Variants in DENND1A observed in about 807,000 individuals in gnomAD.
The protein encoded by DENND1A is DENN domain containing 1A.
Under a neutral mutation model 113.7 loss-of-function variants are expected in DENND1A, and 51 were observed. The observed-to-expected ratio is 0.45, with a 90% CI of 0.36 to 0.57. The LOEUF (loss-of-function observed/expected upper bound fraction) is 0.57, where lower values mean the gene tolerates loss of function less well. Among genes scored for constraint, DENND1A ranks in the 20% least tolerant of loss-of-function variants. The pLI is 0.00. For missense variants in DENND1A, 1,258 were observed against 1,395.9 expected (o/e 0.90, Z 1.57); for synonymous variants, 565 against 570.8 (o/e 0.99, Z 0.14).
chr9:123,648,399 G>A (rs973421336), intron 9 of DENND1A, among the ~76,000 whole-genome samples: 2 of 152,180 alleles, frequency 1.3e-5, no homozygotes, highest in African/African-American at 4.8e-5. Flanking sequence ...GTTTTAATGT[G>A]CTTTTTGATT....
intron 2 of DENND1A, among the ~76,000 whole-genome samples, chr9:123,845,127 C>T (rs1842396359): frequency 6.6e-6 from 1 of 151,536 alleles, no homozygotes; most frequent in South Asian, 2.1e-4. Context: ...GGCTGAGACA[C>T]AAGAATCTCT....
At position 123,835,660 on chromosome 9, in the gene DENND1A, GAAAAAA is replaced by G. The variant is rs112937594; in HGVS notation, c.89-43036_89-43031del. On this transcript the variant is annotated intron_variant, in intron 2 of 23. Coordinates refer to ENST00000394215, the MANE Select transcript of DENND1A (RefSeq NM_001352964.2). The stretch of plus-strand genomic sequence containing the variant: ...TCTGCATTTTCCTCTTGATTTCCAG[GAAAAAA>G]AAAAAAAAAAGAAAAAACCTGAGTA... 6.3e-5 allele frequency among the ~76,000 whole-genome samples: 7 copies of G among 111,502 alleles called. No homozygotes were observed. The East Asian group carries it at 1.7e-3, about 28-fold the overall frequency. 73.1% of individuals were successfully genotyped at this position (111,502 alleles called of 152,430 possible).
chr9:123,538,687 A>G (rs1446784277), intron 13 of DENND1A, among the ~76,000 whole-genome samples: 1 of 149,340 alleles, frequency 6.7e-6, no homozygotes, highest in Non-Finnish European at 1.5e-5. Context: ...ATAAAAAATG[A>G]CAATCGCAAT....
At chr9:123,414,454 G>T in intron 19 of DENND1A, 2 of 1,483,030 alleles carry the variant, frequency 1.3e-6, no homozygotes, top group Non-Finnish European at 9.0e-7. Flanking sequence ...TGGAAGGCCG[G>T]CATCTCACAG....
At chr9:123,773,499 AT>A (rs1257320469) in intron 3 of DENND1A, among the ~76,000 whole-genome samples, 2 of 152,196 alleles carry the variant, frequency 1.3e-5, no homozygotes, top group African/African-American at 4.8e-5. Context: ...AATATTATCC[AT>A]TATAGAATCC....
At chr9:123,697,290 C>A (rs2065580815) in intron 5 of DENND1A, among the ~76,000 whole-genome samples, 1 of 152,174 alleles carries the variant, frequency 6.6e-6, no homozygotes, top group African/African-American at 2.4e-5. Context: ...TGTCTTTAGT[C>A]ATACAAGACA....
At chr9:123,830,426 T>C (rs1371845292) in intron 2 of DENND1A, among the ~76,000 whole-genome samples, 3 of 137,302 alleles carry the variant, frequency 2.2e-5, no homozygotes, top group African/African-American at 7.4e-5. Flanking sequence ...CGCAGGTGTA[T>C]ACATGTTTCA....
intron 11 of DENND1A, among the ~76,000 whole-genome samples, chr9:123,597,854 G>A (rs1461051219): frequency 6.6e-6 from 1 of 152,118 alleles, no homozygotes; most frequent in Non-Finnish European, 1.5e-5. Context: ...CTTCATTAAT[G>A]CTACTCAGAT....
intron 13 of DENND1A, among the ~76,000 whole-genome samples, chr9:123,514,416 G>A (rs995724580): frequency 6.6e-6 from 1 of 152,062 alleles, no homozygotes; most frequent in Non-Finnish European, 1.5e-5. Flanking sequence ...CATGTGAGAA[G>A]GGAGGCAGTG....
intron 11 of DENND1A, among the ~76,000 whole-genome samples, chr9:123,600,470 T>G (rs1351003869): frequency 6.6e-6 from 1 of 152,190 alleles, no homozygotes; most frequent in Non-Finnish European, 1.5e-5. Context: ...CTCAGAGTGG[T>G]GGCAATTAGA....
intron 3 of DENND1A, among the ~76,000 whole-genome samples, chr9:123,778,123 G>T (rs567404578): frequency 5.3e-5 from 8 of 152,198 alleles, no homozygotes; most frequent in African/African-American, 1.4e-4. Flanking sequence ...TAACACTCAA[G>T]GGTTTTAATT....
At chr9:123,607,928 T>C (rs2060246299) in intron 11 of DENND1A, among the ~76,000 whole-genome samples, 1 of 152,044 alleles carries the variant, frequency 6.6e-6, no homozygotes, top group African/African-American at 2.4e-5. Flanking sequence ...AAATAGTCGT[T>C]ATATTAGTGT....
intron 2 of DENND1A, among the ~76,000 whole-genome samples, chr9:123,815,738 T>G (rs1439115041): frequency 2.6e-5 from 4 of 152,162 alleles, no homozygotes; most frequent in African/African-American, 9.7e-5. Flanking sequence ...AAGATACACA[T>G]TATGATCTAT....
At chr9:123,781,241 T>C (rs1831265230) in intron 3 of DENND1A, among the ~76,000 whole-genome samples, 1 of 152,196 alleles carries the variant, frequency 6.6e-6, no homozygotes, top group African/African-American at 2.4e-5. Flanking sequence ...GACATCCCAG[T>C]TATGCCCACG....
chr9:123,913,830 G>T (rs779701676), intron 1 of DENND1A, among the ~76,000 whole-genome samples: 4 of 151,272 alleles, frequency 2.6e-5, no homozygotes, highest in Non-Finnish European at 5.9e-5. Flanking sequence ...GCTTGAACTC[G>T]GGAGGCGGAG....
intron 5 of DENND1A, among the ~76,000 whole-genome samples, chr9:123,737,233 C>T (rs975762755): frequency 1.3e-5 from 2 of 152,106 alleles, no homozygotes; most frequent in Non-Finnish European, 2.9e-5. Context: ...CTCACTCTGT[C>T]GCCCACACTG....
At chr9:123,641,968 C>G (rs1709353266) in intron 9 of DENND1A, among the ~76,000 whole-genome samples, 1 of 152,182 alleles carries the variant, frequency 6.6e-6, no homozygotes, top group South Asian at 2.1e-4. Context: ...CACTGACAAT[C>G]TGAATCCTGT....
chr9:123,448,220 G>C (rs1170837473), intron 18 of DENND1A, among the ~76,000 whole-genome samples: 2 of 152,196 alleles, frequency 1.3e-5, no homozygotes, highest in Non-Finnish European at 2.9e-5. Context: ...GGAACAGAAA[G>C]GGAGAGAGAG....
chr9:123,598,456 C>CAAA (rs780473231), intron 11 of DENND1A, among the ~76,000 whole-genome samples: 3,696 of 59,234 alleles, frequency 0.062, 65 homozygotes, highest in Non-Finnish European at 0.075. Flanking sequence ...TCACAAATCT[C>CAAA]AAAAAAAAAA....
Sources: gnomAD v4.1 joint callset for allele counts (sites outside exome capture counted in the v4.1 genomes callset) on GRCh38, gnomAD v4.1.1 for gene constraint, MANE v1.5 for transcripts, NCBI Gene and HGNC (gene_info 2026-07-23, HGNC 2026-07-21) for gene names.